Variants in EVI5 observed in about 807,000 individuals in gnomAD.
The protein encoded by EVI5 is ecotropic viral integration site 5.
In EVI5, 73 loss-of-function variants were observed where a neutral mutation model predicts 112.0. The ratio of observed to expected loss-of-function variants is 0.65; its 90% CI spans 0.54 to 0.79. The LOEUF (loss-of-function observed/expected upper bound fraction) is 0.79, where lower values mean the gene tolerates loss of function less well. Ranked by LOEUF, EVI5 falls within the 30% of genes least tolerant of loss-of-function variation. EVI5 has a pLI of 0.00. For synonymous variants in EVI5, 305 were observed against 319.9 expected (o/e 0.95, Z 0.50); for missense variants, 900 against 968.8 (o/e 0.93, Z 0.94).
chr1:92,519,945 A>G (rs149434047), intron 19 of EVI5, among the ~76,000 whole-genome samples: 58 of 151,698 alleles, frequency 3.8e-4, no homozygotes, highest in African/African-American at 1.4e-3. Flanking sequence ...AAGACACAAG[A>G]GACAATATAT....
rs550321632 is a variant in EVI5, at chr1:92,772,581, T to C, written c.-82+12255A>G. ...TTCATTTATCCAAAATAAATGAAAG[T>C]GTATGTCTACAAAAAGACTCACAGC... On this transcript the variant is annotated intron_variant, in intron 1 of 19. Coordinates refer to ENST00000684568, the MANE Select transcript of EVI5 (RefSeq NM_001350197.2). Among the ~76,000 whole-genome samples, 8 of 151,766 alleles carry C rather than the reference T, an allele frequency of 5.3e-5. No homozygotes were observed. The South Asian group carries it at 1.7e-3, about 32-fold the overall frequency.
intron 18 of EVI5, among the ~76,000 whole-genome samples, chr1:92,593,543 C>G (rs917144198): frequency 2.0e-5 from 3 of 152,132 alleles, no homozygotes; most frequent in African/African-American, 4.8e-5. Context: ...CACTCCTATT[C>G]AACATAGTGT....
At chr1:92,730,114 C>A (rs1164457138) in intron 2 of EVI5, among the ~76,000 whole-genome samples, 2 of 152,130 alleles carry the variant, frequency 1.3e-5, no homozygotes, top group African/African-American at 4.8e-5. Flanking sequence ...GCCGGTAATG[C>A]CAGCCTTTGG....
At chr1:92,701,458 A>G (rs1220166009) in intron 5 of EVI5, among the ~76,000 whole-genome samples, 1 of 152,236 alleles carries the variant, frequency 6.6e-6, no homozygotes, top group East Asian at 1.9e-4. Flanking sequence ...AAACCACCCT[A>G]TATGACTCAA....
intron 13 of EVI5, among the ~76,000 whole-genome samples, chr1:92,649,553 T>C (rs1258395437): frequency 6.6e-6 from 1 of 152,182 alleles, no homozygotes; most frequent in African/African-American, 2.4e-5. Context: ...CAGTGGCTTA[T>C]GCTTGTAATC....
intron 16 of EVI5, among the ~76,000 whole-genome samples, chr1:92,608,067 C>T (rs1650857179): frequency 2.0e-5 from 3 of 151,356 alleles, no homozygotes; most frequent in East Asian, 3.9e-4. Flanking sequence ...TGGAGAATGG[C>T]GTGAACCCAG....
Position 92,580,793 on chromosome 1 carries a change from G to C in EVI5, c.2071-17056C>G, listed in dbSNP as rs899119975. ...ATGTCTGGGGGCAGAACCAGGTGCA[G>C]CTGCAAGATATGTCTATACAAGGCC... On this transcript the variant is annotated intron_variant, in intron 18 of 19. Coordinates refer to ENST00000684568, the MANE Select transcript of EVI5 (RefSeq NM_001350197.2). 3.9e-5 allele frequency: 6 copies of C among 155,100 alleles called. No individual in the cohort carries two copies. In the East Asian group the frequency reaches 1.1e-3, roughly 30 times the overall value. The allele number at this position is 155,100 out of a possible 1,614,324, so 9.6% of individuals were successfully genotyped here.
chr1:92,523,262 A>G (rs955925394), intron 19 of EVI5, among the ~76,000 whole-genome samples: 1 of 152,054 alleles, frequency 6.6e-6, no homozygotes, highest in Non-Finnish European at 1.5e-5. Flanking sequence ...TGTTGTCATC[A>G]CCTAGCTCTA....
intron 19 of EVI5, among the ~76,000 whole-genome samples, chr1:92,553,184 G>A (rs942456703): frequency 1.3e-5 from 2 of 151,842 alleles, no homozygotes; most frequent in African/African-American, 4.8e-5. Flanking sequence ...AGGCTGGAAC[G>A]CAGTGGTACA....
At chr1:92,783,683 G>A (rs1284725622) in intron 1 of EVI5, among the ~76,000 whole-genome samples, 1 of 148,918 alleles carries the variant, frequency 6.7e-6, no homozygotes, top group East Asian at 2.0e-4. Flanking sequence ...GTGGTGGCGC[G>A]CGCCTGTAGT....
intron 19 of EVI5, among the ~76,000 whole-genome samples, chr1:92,518,353 A>T (rs1343123760): frequency 3.3e-5 from 5 of 152,200 alleles, no homozygotes; most frequent in African/African-American, 1.2e-4. Flanking sequence ...CGGGTTTTTT[A>T]AAGTCACTGA....
chr1:92,593,120 A>T (rs1483486973), intron 18 of EVI5, among the ~76,000 whole-genome samples: 3 of 152,206 alleles, frequency 2.0e-5, no homozygotes, highest in Non-Finnish European at 4.4e-5. Flanking sequence ...ACAACAAAAA[A>T]AGAAAATTAT....
rs1490234240 is a variant in EVI5 at position 92,609,921 on chromosome 1, G to T, written c.1828-2194C>A. ...ATAGGGTCTCACAGGAGCTTGCTCT[G>T]TTGCCCAGGCTAGAGTGCAGAGGCA... On this transcript the variant is annotated intron_variant, in intron 16 of 19. Coordinates refer to ENST00000684568, the MANE Select transcript of EVI5 (RefSeq NM_001350197.2). Among the ~76,000 whole-genome samples the T allele has an allele frequency of 2.0e-5, 3 of 148,402 alleles. No individual in the cohort carries two copies. In the Admixed American group the frequency reaches 2.0e-4, roughly 10 times the overall value.
intron 1 of EVI5, chr1:92,784,175 A>AAGAC (rs139490680): frequency 4.0e-5 from 16 of 395,558 alleles, no homozygotes; most frequent in East Asian, 1.6e-4. Flanking sequence ...AGAAGCCCCA[A>AAGAC]AGACAGACAG....
chr1:92,604,957 T>C (rs1425237138), intron 18 of EVI5, among the ~76,000 whole-genome samples: 1 of 152,132 alleles, frequency 6.6e-6, no homozygotes, highest in Admixed American at 6.6e-5. Context: ...GTCAAACTCA[T>C]AGAGACAAAG....
chr1:92,555,403 C>T (rs919732990), intron 19 of EVI5, among the ~76,000 whole-genome samples: 1 of 152,120 alleles, frequency 6.6e-6, no homozygotes, highest in Non-Finnish European at 1.5e-5. Flanking sequence ...GTTTTTAATT[C>T]TTATTTCTGT....
chr1:92,780,790 T>C (rs905327976), intron 1 of EVI5, among the ~76,000 whole-genome samples: 10 of 151,804 alleles, frequency 6.6e-5, no homozygotes, highest in Non-Finnish European at 1.2e-4. Context: ...GTGGAGATCA[T>C]GTTACTGCAC....
At position 92,779,714 on chromosome 1, in the gene EVI5, A is replaced by G. The variant is rs560130535; in HGVS notation, c.-82+5122T>C. ...CTCTCTGAGCCTATTCTGGCTCAGAAGAAGGCTGCCAGATAAAGTGATATA... is the reference window on the plus strand; with the variant it reads ...CTCTCTGAGCCTATTCTGGCTCAGAGGAAGGCTGCCAGATAAAGTGATATA... On this transcript the variant is annotated intron_variant, in intron 1 of 19. Coordinates refer to ENST00000684568, the MANE Select transcript of EVI5 (RefSeq NM_001350197.2). 2.6e-5 allele frequency among the ~76,000 whole-genome samples: 4 copies of G among 152,234 alleles called. 1 individual carries two copies. The South Asian group carries it at 8.3e-4, about 32-fold the overall frequency.
intron 13 of EVI5, among the ~76,000 whole-genome samples, chr1:92,659,284 CA>C (rs1427119945): frequency 1.3e-5 from 2 of 152,082 alleles, no homozygotes; most frequent in Non-Finnish European, 2.9e-5. Flanking sequence ...TTCTGCACAG[CA>C]AAAGGAATAA....
Sources: gnomAD v4.1 joint callset for allele counts (sites outside exome capture counted in the v4.1 genomes callset) on GRCh38, gnomAD v4.1.1 for gene constraint, MANE v1.5 for transcripts, NCBI Gene and HGNC (gene_info 2026-07-23, HGNC 2026-07-21) for gene names.